Variants in EML6 observed in about 807,000 individuals in gnomAD.
EML6 encodes echinoderm microtubule-associated protein-like 6.
A neutral mutation model predicts 240.1 loss-of-function variants in EML6; 154 were observed. That is an observed-to-expected ratio of 0.64 (90% CI 0.56 to 0.73). The LOEUF is 0.73. EML6 is among the 30% of genes least tolerant of loss of function. EML6 has a pLI of 0.00. For synonymous variants in EML6, 1,148 were observed against 899.0 expected (o/e 1.28, Z -4.95); for missense variants, 2,964 against 2,474.6 (o/e 1.20, Z -4.20).
chr2:54,912,211 A>T (rs1673679100), intron 25 of EML6, among the ~76,000 whole-genome samples: 1 of 152,162 alleles, frequency 6.6e-6, no homozygotes, highest in African/African-American at 2.4e-5. Context: ...ATGGCATTGT[A>T]TTAATGGAAA....
chr2:54,930,961 T>C (rs1157283092), intron 28 of EML6, among the ~76,000 whole-genome samples: 1 of 144,378 alleles, frequency 6.9e-6, no homozygotes, highest in Non-Finnish European at 1.5e-5. Context: ...ATCTTTTTTT[T>C]TTTTTTTTTT....
rs778192330 is a variant in EML6, at chr2:54,953,601, G to C, written c.4313-382G>C. Among the ~76,000 whole-genome samples, 3 of 152,142 alleles carry C rather than the reference G, an allele frequency of 2.0e-5. No individual in the cohort carries two copies. The East Asian group carries it at 5.8e-4, about 29-fold the overall frequency. On this transcript the variant is annotated intron_variant, in intron 31 of 41. Transcript: ENST00000356458. Reference sequence around the variant, plus strand: ...GCCCTAAACATTTGTCTTAAAAAAGGCTTTTGCAGGCCGGGCGGCAGTGGC... The same window carrying C: ...GCCCTAAACATTTGTCTTAAAAAAGCCTTTTGCAGGCCGGGCGGCAGTGGC...
chr2:54,897,398 C>G (rs767706473), intron 21 of EML6, among the ~76,000 whole-genome samples: 2 of 152,168 alleles, frequency 1.3e-5, no homozygotes, highest in Non-Finnish European at 1.5e-5. Context: ...CAGGCAATAC[C>G]GTTGTACGAC....
chr2:54,917,041 T>G (rs1484927685), intron 26 of EML6, 106 bp downstream of exon 26: 5 of 797,316 alleles, frequency 6.3e-6, no homozygotes, highest in Non-Finnish European at 9.7e-6. Flanking sequence ...CAATTCACAT[T>G]ATCGGAGTAT....
At chr2:54,768,975 T>C (rs1054042142) in intron 2 of EML6, among the ~76,000 whole-genome samples, 1 of 152,234 alleles carries the variant, frequency 6.6e-6, no homozygotes, top group Non-Finnish European at 1.5e-5. Flanking sequence ...ATGATGACTT[T>C]GCATAAGATT....
At chr2:54,840,783 ACT>A (rs1669402773) in intron 7 of EML6, among the ~76,000 whole-genome samples, 1 of 152,222 alleles carries the variant, frequency 6.6e-6, no homozygotes, top group Non-Finnish European at 1.5e-5. Flanking sequence ...AACTGATAAA[ACT>A]CTCTTCACAG....
At chr2:54,843,355 G>A (rs777136571) in intron 7 of EML6, among the ~76,000 whole-genome samples, 17 of 152,060 alleles carry the variant, frequency 1.1e-4, no homozygotes, top group South Asian at 2.1e-4. Flanking sequence ...TTTGAGCCCC[G>A]GAAGTCGAGG....
chr2:54,968,160 C>T lies in EML6; in HGVS notation c.5630C>T (p.Pro1877Leu), dbSNP rs1291529143. ...GGAGATGAAGTCATTGGAATCTGGC[C>T]ACGAAATGCAGACAAGGCTGATGTC... ...VLGDEVIGIW[P>L]RNADKADVNC... The change falls in exon 40 of 42, where the codon CCA (proline) becomes CTA (leucine). Residue 1877 changes from proline (P) to leucine (L), a missense_variant. Pro to Leu is a moderately conservative substitution (Grantham distance 98). Coordinates refer to ENST00000356458, the MANE Select transcript of EML6 (RefSeq NM_001039753.4). 6.4e-7 allele frequency: 1 copy of T among 1,551,370 alleles called. No homozygotes were observed. Among genetic ancestry groups the T allele is most frequent in the Non-Finnish European group, 8.7e-7 (1 of 1,147,002 alleles).
intron 38 of EML6, among the ~76,000 whole-genome samples, chr2:54,965,660 A>C (rs1676716940): frequency 6.6e-6 from 1 of 152,146 alleles, no homozygotes; most frequent in Non-Finnish European, 1.5e-5. Flanking sequence ...GTCTTCCTGC[A>C]CTAAGTCACT....
At chr2:54,894,869 G>C (rs1274674703) in intron 19 of EML6, 46 bp from the exon 20 acceptor site, 12 of 1,350,340 alleles carry the variant, frequency 8.9e-6, no homozygotes, top group Non-Finnish European at 1.2e-5. Context: ...GTGGGTAATT[G>C]GTCATTTTGA....
rs1572991564 is a variant in EML6 at position 54,845,449 on chromosome 2, G to C, written c.1049+1201G>C. ...AAGTCTCAGAATTGCAAACATCCTT[G>C]AGGAGCCCTGACTGCCAGAATCTTA... On this transcript the variant is annotated intron_variant, in intron 8 of 41. Coordinates refer to ENST00000356458, the MANE Select transcript of EML6 (RefSeq NM_001039753.4). 3.9e-5 allele frequency among the ~76,000 whole-genome samples: 6 copies of C among 152,336 alleles called. No individual in the cohort carries two copies. In the South Asian group the frequency reaches 8.3e-4, roughly 21 times the overall value.
At chr2:54,930,825 T>TA (rs1674815889) in intron 28 of EML6, among the ~76,000 whole-genome samples, 2 of 151,804 alleles carry the variant, frequency 1.3e-5, no homozygotes, top group South Asian at 4.1e-4. Flanking sequence ...TAAAGAGCAA[T>TA]AAATGATGGC....
intron 2 of EML6, among the ~76,000 whole-genome samples, chr2:54,733,937 A>C (rs72913543): frequency 0.018 from 2,734 of 152,302 alleles, 82 homozygotes; most frequent in African/African-American, 0.057. Context: ...GTAGAAGAGA[A>C]GGAGGCAAAT....
At chr2:54,869,809 A>G (rs933952545) in intron 15 of EML6, among the ~76,000 whole-genome samples, 5 of 152,230 alleles carry the variant, frequency 3.3e-5, no homozygotes, top group African/African-American at 1.2e-4. Flanking sequence ...TTAGCCTTAT[A>G]AAAACACCTT....
chr2:54,942,172 T>C lies in EML6; in HGVS notation c.4005-6710T>C, dbSNP rs578091149. 2.7e-4 allele frequency among the ~76,000 whole-genome samples: 41 copies of C among 152,342 alleles called. No homozygotes were observed. The South Asian group carries it at 3.3e-3, about 12-fold the overall frequency. ...ACCTGCTGTTCATTATAGAATAGTT[T>C]CTTCACTTTTGATGACAAAGAGTGG... On this transcript the variant is annotated intron_variant, in intron 28 of 41. Coordinates refer to ENST00000356458, the MANE Select transcript of EML6 (RefSeq NM_001039753.4).
rs1340625787 is a variant in EML6 at position 54,879,566 on chromosome 2, G to A, written c.2364G>A (p.Val788=). ...LDFSADGKCL[V]SVGLDDFHSI... is the part of the protein sequence containing the mutation. ...ATACAGCCGATGGAAAATGTCTGGTGTCGGTTGGTTTAGACGATTTTCACA... is the reference window on the plus strand; with the variant it reads ...ATACAGCCGATGGAAAATGTCTGGTATCGGTTGGTTTAGACGATTTTCACA... The change falls in exon 17 of 42, where the codon GTG becomes GTA. Residue 788 remains valine (V), a synonymous_variant. Coordinates refer to ENST00000356458, the MANE Select transcript of EML6 (RefSeq NM_001039753.4). The A allele has an allele frequency of 7.7e-6, 12 of 1,551,534 alleles. No individual in the cohort carries two copies. Among genetic ancestry groups the A allele is most frequent in the Non-Finnish European group, 1.0e-5 (12 of 1,146,650 alleles).
At chr2:54,876,844 A>G (rs553974589) in intron 16 of EML6, among the ~76,000 whole-genome samples, 2 of 152,274 alleles carry the variant, frequency 1.3e-5, no homozygotes, top group South Asian at 4.1e-4. Context: ...TGGTGATAAC[A>G]TTCAAGATCT....
rs1395720878 is a variant in EML6 at position 54,968,129 on chromosome 2, G to A, written c.5599G>A (p.Val1867Ile). 14 of 1,550,792 alleles carry A rather than the reference G, an allele frequency of 9.0e-6. No homozygotes were observed. Among genetic ancestry groups the A allele is most frequent in the Admixed American group, 3.9e-5 (2 of 50,978 alleles). ...EKITWASWTS[V>I]LGDEVIGIWP... ...TAACCCCTCTTTCTGTTGGAACAGC[G>A]TCCTGGGAGATGAAGTCATTGGAAT... is the stretch of plus-strand genomic sequence containing the variant. Residue 1867 changes from valine (V) to isoleucine (I), a missense_variant and splice_region_variant, in exon 40 of 42, where the codon GTC (valine) becomes ATC (isoleucine). By Grantham distance (29) the Val-to-Ile change is conservative (BLOSUM62 3). Transcript: ENST00000356458.
intron 21 of EML6, among the ~76,000 whole-genome samples, chr2:54,896,303 G>T (rs1010421995): frequency 5.3e-5 from 8 of 152,294 alleles, no homozygotes; most frequent in Admixed American, 2.6e-4. Flanking sequence ...CTCCCCACAT[G>T]CCAGATGCAC....
Sources: allele counts gnomAD v4.1 joint callset (sites outside exome capture counted in the v4.1 genomes callset), GRCh38; gene constraint gnomAD v4.1.1; transcripts MANE v1.5; gene names NCBI Gene and HGNC (gene_info 2026-07-23, HGNC 2026-07-21).